Variants in ANKHD1 observed in about 807,000 individuals in gnomAD.
The protein encoded by ANKHD1 is ankyrin repeat and KH domain-containing protein 1.
In ANKHD1, 31 loss-of-function variants were observed where a neutral mutation model predicts 230.5. That is an observed-to-expected ratio of 0.13 (90% CI 0.10 to 0.18). ANKHD1 has a LOEUF of 0.18. Ranked by LOEUF, ANKHD1 falls within the 10% of genes least tolerant of loss-of-function variation. The pLI is 1.00. For synonymous variants in ANKHD1, 1,074 were observed against 1,117.6 expected (o/e 0.96, Z 0.78); for missense variants, 2,256 against 3,071.3 (o/e 0.73, Z 6.27).
chr5:140,472,338 T>C (rs367825359), intron 10 of ANKHD1: 358 of 1,606,976 alleles, frequency 2.2e-4, no homozygotes, highest in Non-Finnish European at 2.9e-4. Flanking sequence ...ACGTAAAGAA[T>C]AGATGTTGTA....
At chr5:140,467,058 TG>T (rs1218817269) in intron 10 of ANKHD1, among the ~76,000 whole-genome samples, 5 of 152,354 alleles carry the variant, frequency 3.3e-5, no homozygotes, top group Non-Finnish European at 1.5e-5. Context: ...CATATTTACA[TG>T]AAATTATAGA....
rs1751445735 is a variant in ANKHD1 at position 140,485,163 on chromosome 5, T to C, written c.1913T>C (p.Val638Ala). ...GCTACAGCCAATAATGATCATACAG[T>C]AGTGTCGCTGGCATGTGCAGGAGGC... ...NRATANNDHT[V>A]VSLACAGGHL... Residue 638 changes from valine to alanine, a missense_variant, in exon 12 of 34, where the codon GTA (valine) becomes GCA (alanine). Transcript: ENST00000360839. This position sits in a 1 kb window ranked among gnomAD's most constrained non-coding sequence, Gnocchi z 4.8. 2 of 1,613,960 alleles carry C rather than the reference T, an allele frequency of 1.2e-6. No individual in the cohort carries two copies. Among genetic ancestry groups the C allele is most frequent in the Non-Finnish European group, 8.5e-7 (1 of 1,179,878 alleles).
At chr5:140,482,142 T>C (rs1288341624) in intron 10 of ANKHD1, among the ~76,000 whole-genome samples, 1 of 152,126 alleles carries the variant, frequency 6.6e-6, no homozygotes, top group Non-Finnish European at 1.5e-5. Flanking sequence ...TAAAATACCA[T>C]AGTGTTTTTC....
intron 1 of ANKHD1, among the ~76,000 whole-genome samples, chr5:140,407,804 T>A (rs1770591300): frequency 6.6e-6 from 1 of 152,090 alleles, no homozygotes; most frequent in Non-Finnish European, 1.5e-5. Flanking sequence ...TGGTTTTCAA[T>A]TTTTGTCGTA....
intron 15 of ANKHD1, 86 bp downstream of exon 15, chr5:140,497,364 G>T (rs1581339438): frequency 6.7e-7 from 1 of 1,489,594 alleles, no homozygotes; most frequent in East Asian, 2.3e-5. Flanking sequence ...CGTAGACTTT[G>T]TACGTTTCCA....
intron 10 of ANKHD1, among the ~76,000 whole-genome samples, chr5:140,472,875 T>C (rs1277686395): frequency 1.3e-5 from 2 of 152,158 alleles, no homozygotes; most frequent in African/African-American, 2.4e-5. Flanking sequence ...TGAAAAAATG[T>C]GTGAATTTGT....
intron 1 of ANKHD1, among the ~76,000 whole-genome samples, chr5:140,423,677 A>G (rs981118566): frequency 3.3e-5 from 5 of 152,156 alleles, no homozygotes; most frequent in Non-Finnish European, 5.9e-5. Flanking sequence ...CCTTCCAACT[A>G]TTAATACCTA....
intron 24 of ANKHD1, among the ~76,000 whole-genome samples, chr5:140,517,442 A>G (rs1196336540): frequency 1.3e-5 from 2 of 151,530 alleles, no homozygotes; most frequent in East Asian, 3.9e-4. Context: ...AAGCGGACCT[A>G]ATAGACATCT....
chr5:140,465,355 T>C (rs1289704223), intron 10 of ANKHD1, among the ~76,000 whole-genome samples: 1 of 152,182 alleles, frequency 6.6e-6, no homozygotes, highest in African/African-American at 2.4e-5. Context: ...GTGTTTTCTG[T>C]TTTGGTTTTT....
intron 9 of ANKHD1, among the ~76,000 whole-genome samples, chr5:140,460,341 C>G (rs1415365143): frequency 6.7e-6 from 1 of 150,374 alleles, no homozygotes; most frequent in Non-Finnish European, 1.5e-5. Context: ...TCTTTTTTAC[C>G]ACGTCTGATA....
chr5:140,523,180 A>G (rs1331099464), intron 24 of ANKHD1, among the ~76,000 whole-genome samples: 1 of 132,342 alleles, frequency 7.6e-6, no homozygotes, highest in Non-Finnish European at 1.5e-5. Context: ...TGACATGATT[A>G]TAGCTCACTA....
chr5:140,490,258 T>C (rs1751711891), intron 14 of ANKHD1, among the ~76,000 whole-genome samples: 1 of 152,198 alleles, frequency 6.6e-6, no homozygotes, highest in Admixed American at 6.5e-5. Context: ...CTTATAACAT[T>C]TTACTCCTGT....
At chr5:140,414,397 G>A (rs878875610) in intron 1 of ANKHD1, among the ~76,000 whole-genome samples, 1 of 152,076 alleles carries the variant, frequency 6.6e-6, no homozygotes, top group Non-Finnish European at 1.5e-5. Context: ...ATTCTAATGG[G>A]TATGAAGTGG....
Position 140,539,078 on chromosome 5 carries a change from C to T in ANKHD1, c.7564C>T (p.Gln2522Ter). The stretch of plus-strand genomic sequence containing the variant: ...AAATTCAACTGAATGCACTGATGCC[C>T]AGCAGGTAAAATGGGCTTAATGCTC... ...IQNSTECTDAQQIWPGTWAPH... is the reference protein window; with the variant it reads ...IQNSTECTDA Residue 2522 changes from glutamine to a stop codon, truncating the protein, a stop_gained, in exon 33 of 34, where the codon CAG (glutamine) becomes TAG (stop). Transcript: ENST00000360839. LOFTEE classifies it high-confidence loss of function. 2 of 1,599,018 alleles carry T rather than the reference C, an allele frequency of 1.3e-6. No individual in the cohort carries two copies. Among genetic ancestry groups the T allele is most frequent in the Non-Finnish European group, 1.7e-6 (2 of 1,174,790 alleles).
At position 140,454,222 on chromosome 5, in the gene ANKHD1, A is replaced by T. The variant is rs577126097; in HGVS notation, c.1243-4403A>T. The stretch of plus-strand genomic sequence containing the variant: ...CCAGATTCATAAAGCAAGTCCTTAG[A>T]GACCTACAAAGAGACTTAGACTCCC... On this transcript the variant is annotated intron_variant, in intron 7 of 33. Coordinates refer to ENST00000360839, the MANE Select transcript of ANKHD1 (RefSeq NM_017747.3). 5.3e-4 allele frequency among the ~76,000 whole-genome samples: 81 copies of T among 152,290 alleles called. 1 individual carries two copies. The highest frequency in any genetic ancestry group is 6.8e-3 in the Middle Eastern group (2 of 294).
chr5:140,467,009 A>G (rs781289741), intron 10 of ANKHD1, among the ~76,000 whole-genome samples: 6 of 152,228 alleles, frequency 3.9e-5, no homozygotes, highest in South Asian at 2.1e-4. Flanking sequence ...TTGTTCTAAC[A>G]TAATTATTCA....
intron 15 of ANKHD1, 55 bp from the exon 16 acceptor site, chr5:140,504,766 A>G: frequency 6.4e-7 from 1 of 1,569,270 alleles, no homozygotes; most frequent in Admixed American, 2.0e-5. Context: ...TTTTCTATGT[A>G]CAAATAACCT....
chr5:140,481,628 T>C (rs1751278831), intron 10 of ANKHD1, among the ~76,000 whole-genome samples: 1 of 152,020 alleles, frequency 6.6e-6, no homozygotes, highest in Admixed American at 6.6e-5. Flanking sequence ...TAAATTGTAT[T>C]CTATTGGGAG....
intron 15 of ANKHD1, 89 bp from the exon 16 acceptor site, chr5:140,504,732 C>T: frequency 6.6e-7 from 1 of 1,510,514 alleles, no homozygotes; most frequent in South Asian, 1.3e-5. Flanking sequence ...CATATTACTG[C>T]TATGGAAATT....
Sources: allele counts gnomAD v4.1 joint callset (sites outside exome capture counted in the v4.1 genomes callset), GRCh38; gene constraint gnomAD v4.1.1; non-coding constraint Gnocchi (gnomAD v3.1); transcripts MANE v1.5; gene names NCBI Gene and HGNC (gene_info 2026-07-23, HGNC 2026-07-21).